Variants in CADM1 observed in about 807,000 individuals in gnomAD.
The protein encoded by CADM1 is TSLC-1.
In CADM1, 15 loss-of-function variants were observed where a neutral mutation model predicts 53.1. That is an observed-to-expected ratio of 0.28 (90% CI 0.19 to 0.44). CADM1 has a LOEUF of 0.44. Ranked by LOEUF, CADM1 falls within the 20% of genes least tolerant of loss-of-function variation. The pLI is 1.00. For synonymous variants in CADM1, 281 were observed against 243.0 expected (o/e 1.16, Z -1.45); for missense variants, 434 against 611.3 (o/e 0.71, Z 3.06).
chr11:115,417,398 C>T (rs1411976546), intron 1 of CADM1, among the ~76,000 whole-genome samples: 1 of 152,156 alleles, frequency 6.6e-6, no homozygotes, highest in Non-Finnish European at 1.5e-5. Flanking sequence ...TCCAAGACCC[C>T]CAGTGGATGC....
chr11:115,236,115 A>C (rs1942001944), intron 3 of CADM1, among the ~76,000 whole-genome samples: 1 of 152,220 alleles, frequency 6.6e-6, no homozygotes, highest in South Asian at 2.1e-4. Flanking sequence ...AATGTATCAA[A>C]TAACTAATAG....
At chr11:115,434,865 T>TA (rs1452636327) in intron 1 of CADM1, among the ~76,000 whole-genome samples, 44 of 141,808 alleles carry the variant, frequency 3.1e-4, no homozygotes, top group Non-Finnish European at 4.8e-4. Flanking sequence ...TTATTATTAT[T>TA]TTTTTTTTTT....
intron 1 of CADM1, among the ~76,000 whole-genome samples, chr11:115,349,184 C>G (rs897097599): frequency 2.0e-5 from 3 of 152,122 alleles, no homozygotes; most frequent in Admixed American, 2.0e-4. Context: ...CAGCCGCATC[C>G]CAGTAAAACA....
At chr11:115,237,628 C>G (rs1239648407) in intron 3 of CADM1, among the ~76,000 whole-genome samples, 2 of 152,184 alleles carry the variant, frequency 1.3e-5, no homozygotes, top group Non-Finnish European at 2.9e-5. Context: ...GATTCATCAT[C>G]TTCCCGAAGG....
At chr11:115,297,676 T>A (rs533200287) in intron 1 of CADM1, among the ~76,000 whole-genome samples, 3 of 152,342 alleles carry the variant, frequency 2.0e-5, no homozygotes, top group African/African-American at 7.2e-5. Flanking sequence ...AACTAATATA[T>A]GTTCAATAGA....
intron 1 of CADM1, among the ~76,000 whole-genome samples, chr11:115,443,774 G>A (rs1164777255): frequency 6.6e-6 from 1 of 152,198 alleles, no homozygotes; most frequent in East Asian, 1.9e-4. Flanking sequence ...AGATAACTCA[G>A]CCAAATAGAA....
chr11:115,266,192 G>A lies in CADM1; in HGVS notation c.125-25772C>T, dbSNP rs557763616. Among the ~76,000 whole-genome samples the A allele has an allele frequency of 2.6e-5, 4 of 152,352 alleles. No individual in the cohort carries two copies. The East Asian group carries it at 7.7e-4, about 29-fold the overall frequency. Reference sequence around the variant, plus strand: ...TTTCCAGAGGGGCTGGACTGCACCAGTTATTCCAGGGAGCTGCTTATTGTG... The same window carrying A: ...TTTCCAGAGGGGCTGGACTGCACCAATTATTCCAGGGAGCTGCTTATTGTG... On this transcript the variant is annotated intron_variant, in intron 1 of 11. Coordinates refer to ENST00000331581, the MANE Select transcript of CADM1 (RefSeq NM_001301043.2).
At chr11:115,400,862 G>A (rs937858019) in intron 1 of CADM1, among the ~76,000 whole-genome samples, 2 of 151,496 alleles carry the variant, frequency 1.3e-5, no homozygotes, top group African/African-American at 4.9e-5. Flanking sequence ...TGGGGAGGGT[G>A]TGGAGCAGTA....
At chr11:115,216,433 C>T (rs1172919560) in intron 6 of CADM1, among the ~76,000 whole-genome samples, 3 of 152,258 alleles carry the variant, frequency 2.0e-5, no homozygotes, top group Non-Finnish European at 4.4e-5. Context: ...GTTAATGTGG[C>T]CGAGCACGGG....
chr11:115,307,233 G>A (rs1337469042), intron 1 of CADM1, among the ~76,000 whole-genome samples: 2 of 151,838 alleles, frequency 1.3e-5, no homozygotes, highest in African/African-American at 4.8e-5. Context: ...GTAAGTGTTG[G>A]CTATACTTGG....
intron 1 of CADM1, among the ~76,000 whole-genome samples, chr11:115,371,460 G>T (rs1461533724): frequency 2.0e-5 from 3 of 151,014 alleles, no homozygotes; most frequent in African/African-American, 7.3e-5. Context: ...GAGATAAACT[G>T]GAATAATAAA....
Position 115,414,086 on chromosome 11 carries a change from T to C in CADM1, c.124+90185A>G, listed in dbSNP as rs578062779. Among the ~76,000 whole-genome samples, 7 of 152,290 alleles carry C rather than the reference T, an allele frequency of 4.6e-5. 1 individual carries two copies. The South Asian group carries it at 6.2e-4, about 14-fold the overall frequency. Reference sequence around the variant, plus strand: ...ATACACACACACACAAAGCATACAATTGTTAATCTGTTAACTAAGGCAAAT... The same window carrying C: ...ATACACACACACACAAAGCATACAACTGTTAATCTGTTAACTAAGGCAAAT... On this transcript the variant is annotated intron_variant, in intron 1 of 11. Transcript: ENST00000331581.
chr11:115,279,515 A>C (rs915964512), intron 1 of CADM1, among the ~76,000 whole-genome samples: 1 of 152,212 alleles, frequency 6.6e-6, no homozygotes, highest in Non-Finnish European at 1.5e-5. Context: ...GGATTTGTAC[A>C]ATAGATTCTG....
At chr11:115,295,507 TATATATA>T (rs1208677680) in intron 1 of CADM1, among the ~76,000 whole-genome samples, 5 of 15,764 alleles carry the variant, frequency 3.2e-4, no homozygotes, top group Admixed American at 7.7e-4. Flanking sequence ...CAAGATATTT[TATATATA>T]TATATATATA....
chr11:115,209,769 C>G, intron 7 of CADM1, 112 bp from the exon 8 acceptor site: 9 of 1,313,318 alleles, frequency 6.9e-6, no homozygotes, highest in Non-Finnish European at 9.5e-6. Context: ...TGGCTTCCCC[C>G]TTTAAAACCA....
intron 1 of CADM1, among the ~76,000 whole-genome samples, chr11:115,400,671 A>G (rs1383259737): frequency 0.017 from 542 of 32,230 alleles, 8 homozygotes; most frequent in African/African-American, 0.036. Context: ...GTATATATAT[A>G]TATATATATA....
chr11:115,327,417 T>C (rs748285801), intron 1 of CADM1, among the ~76,000 whole-genome samples: 7 of 152,232 alleles, frequency 4.6e-5, no homozygotes, highest in Non-Finnish European at 7.3e-5. Flanking sequence ...TTATTTTAAA[T>C]CTGCATTAAG....
chr11:115,240,268 A>T lies in CADM1; in HGVS notation c.271+6T>A. On this transcript the variant is annotated splice_donor_region_variant and intron_variant, in intron 2 of 11. Coordinates refer to ENST00000331581, the MANE Select transcript of CADM1 (RefSeq NM_001301043.2). Reference sequence around the variant, plus strand: ...GCCATCTACAACTATAGAGATGGAAACTTACGCCTGAAGTCCCTGAAATAA... The same window carrying T: ...GCCATCTACAACTATAGAGATGGAATCTTACGCCTGAAGTCCCTGAAATAA... 1 of 1,613,510 alleles carries T rather than the reference A, an allele frequency of 6.2e-7. No individual in the cohort carries two copies. Among genetic ancestry groups the T allele is most frequent in the Admixed American group, 1.7e-5 (1 of 59,960 alleles).
At chr11:115,476,829 C>A (rs532899053) in intron 1 of CADM1, among the ~76,000 whole-genome samples, 1 of 152,228 alleles carries the variant, frequency 6.6e-6, no homozygotes, top group South Asian at 2.1e-4. Flanking sequence ...CCATGGGGCA[C>A]ACATAATAAC....
Sources: allele counts gnomAD v4.1 joint callset (sites outside exome capture counted in the v4.1 genomes callset), GRCh38; gene constraint gnomAD v4.1.1; transcripts MANE v1.5; gene names NCBI Gene and HGNC (gene_info 2026-07-23, HGNC 2026-07-21).